The following SMYD3 variants were observed in gnomAD, a reference collection of about 807,000 sequenced individuals.
The protein encoded by SMYD3 is histone-lysine N-methyltransferase SMYD3.
In SMYD3, 36 loss-of-function variants were observed where a neutral mutation model predicts 57.7. The ratio of observed to expected loss-of-function variants is 0.62; its 90% CI spans 0.48 to 0.82. The LOEUF (loss-of-function observed/expected upper bound fraction) is 0.82. Ranked by LOEUF, SMYD3 falls within the 40% of genes least tolerant of loss-of-function variation. SMYD3 has a pLI of 0.00. For missense variants in SMYD3, 515 were observed against 538.8 expected (o/e 0.96, Z 0.44); for synonymous variants, 211 against 195.0 (o/e 1.08, Z -0.68).
chr1:246,481,629 T>TAC (rs1558484558), intron 1 of SMYD3, among the ~76,000 whole-genome samples: 4 of 104,414 alleles, frequency 3.8e-5, no homozygotes, highest in African/African-American at 1.7e-4. Flanking sequence ...TATACATACA[T>TAC]ACATACACAT....
At chr1:246,261,470 T>C (rs1003032473) in intron 5 of SMYD3, among the ~76,000 whole-genome samples, 3 of 152,036 alleles carry the variant, frequency 2.0e-5, no homozygotes, top group Admixed American at 1.3e-4. Context: ...AATCGTTTAT[T>C]ATATTTACAT....
intron 1 of SMYD3, among the ~76,000 whole-genome samples, chr1:246,358,702 C>A (rs1264818481): frequency 6.6e-6 from 1 of 152,164 alleles, no homozygotes; most frequent in Non-Finnish European, 1.5e-5. Flanking sequence ...AAATAACCTG[C>A]TCCTGGATGA....
rs545226923 is a variant in SMYD3 at position 246,361,782 on chromosome 1, C to T, written c.165-6688G>A. Among the ~76,000 whole-genome samples, 8 of 152,188 alleles carry T rather than the reference C, an allele frequency of 5.3e-5. No individual in the cohort carries two copies. The South Asian group carries it at 1.2e-3, about 24-fold the overall frequency. ...GGCATAGGAATGATACACTGGACATCGGGGACTCAGGAGAAACGTTGGGAA... is the reference window on the plus strand; with the variant it reads ...GGCATAGGAATGATACACTGGACATTGGGGACTCAGGAGAAACGTTGGGAA... On this transcript the variant is annotated intron_variant, in intron 1 of 11. Coordinates refer to ENST00000490107, the MANE Select transcript of SMYD3 (RefSeq NM_001167740.2).
intron 5 of SMYD3, among the ~76,000 whole-genome samples, chr1:246,081,333 C>T (rs1171648322): frequency 6.6e-6 from 1 of 152,214 alleles, no homozygotes; most frequent in Non-Finnish European, 1.5e-5. Flanking sequence ...TGTTTACAAA[C>T]TGTGAGACTG....
intron 10 of SMYD3, among the ~76,000 whole-genome samples, chr1:245,814,830 ACACGCACACACATGCACG>A (rs2048698703): frequency 6.6e-6 from 1 of 150,900 alleles, no homozygotes; most frequent in Non-Finnish European, 1.5e-5. Flanking sequence ...ACGCACGCAC[ACACGCACACACATGCACG>A]CACACACACG....
At chr1:245,782,756 A>C (rs998721290) in intron 10 of SMYD3, among the ~76,000 whole-genome samples, 7 of 152,270 alleles carry the variant, frequency 4.6e-5, no homozygotes, top group Admixed American at 4.6e-4. Flanking sequence ...AAATATAAAA[A>C]AATTAAATTC....
chr1:245,990,147 G>A (rs1411691305), intron 5 of SMYD3, among the ~76,000 whole-genome samples: 2 of 152,156 alleles, frequency 1.3e-5, no homozygotes, highest in East Asian at 3.9e-4. Flanking sequence ...ATGGCTCACT[G>A]CAACCTTGAC....
At chr1:245,832,495 TTTTGAGAGTTGA>T (rs2049895028) in intron 10 of SMYD3, among the ~76,000 whole-genome samples, 1 of 147,884 alleles carries the variant, frequency 6.8e-6, no homozygotes, top group Non-Finnish European at 1.5e-5. Flanking sequence ...GTTTTTTTTT[TTTTGAGAGTTGA>T]GGAGAAGACG....
intron 5 of SMYD3, among the ~76,000 whole-genome samples, chr1:246,154,102 A>T (rs1042313539): frequency 6.6e-6 from 1 of 152,198 alleles, no homozygotes; most frequent in Non-Finnish European, 1.5e-5. Context: ...GCAATCCATC[A>T]ATCAATCTGG....
intron 10 of SMYD3, among the ~76,000 whole-genome samples, chr1:245,773,163 A>G (rs2046409137): frequency 6.6e-6 from 1 of 152,238 alleles, no homozygotes; most frequent in Middle Eastern, 3.4e-3. Context: ...AACAAACAAA[A>G]AAACAGAAAA....
intron 5 of SMYD3, among the ~76,000 whole-genome samples, chr1:245,992,537 A>C (rs2058830466): frequency 6.6e-6 from 1 of 151,572 alleles, no homozygotes; most frequent in Admixed American, 6.6e-5. Context: ...CACTTCTAGA[A>C]TGGCGGTCAT....
intron 5 of SMYD3, among the ~76,000 whole-genome samples, chr1:245,987,072 G>A (rs113541674): frequency 5.6e-4 from 85 of 152,226 alleles, no homozygotes; most frequent in Non-Finnish European, 1.0e-3. Flanking sequence ...GAGATAAAAC[G>A]GATCACAGCA....
intron 5 of SMYD3, among the ~76,000 whole-genome samples, chr1:246,262,347 T>C (rs377299698): frequency 6.6e-6 from 1 of 152,224 alleles, no homozygotes; most frequent in African/African-American, 2.4e-5. Flanking sequence ...ATGGGAATAA[T>C]GTGTTACTTA....
chr1:246,213,223 G>A (rs1420059722), intron 5 of SMYD3, among the ~76,000 whole-genome samples: 1 of 152,094 alleles, frequency 6.6e-6, no homozygotes, highest in Non-Finnish European at 1.5e-5. Flanking sequence ...TGTGACTATG[G>A]ATGCTGACAA....
chr1:245,835,053 G>A (rs917121873), intron 10 of SMYD3, among the ~76,000 whole-genome samples: 7 of 151,616 alleles, frequency 4.6e-5, no homozygotes, highest in South Asian at 2.1e-4. Flanking sequence ...AGAGTGGCAC[G>A]GTAGAAAATG....
chr1:246,401,785 C>G (rs6664809), intron 1 of SMYD3, among the ~76,000 whole-genome samples: 2 of 151,016 alleles, frequency 1.3e-5, no homozygotes, highest in Non-Finnish European at 2.9e-5. Flanking sequence ...TGCAATGGCA[C>G]GATCTTGGCT....
chr1:246,441,121 A>T (rs981272318), intron 1 of SMYD3, among the ~76,000 whole-genome samples: 2 of 152,196 alleles, frequency 1.3e-5, no homozygotes, highest in Non-Finnish European at 2.9e-5. Context: ...CATTCCAGAC[A>T]CATGAAGAGG....
intron 5 of SMYD3, among the ~76,000 whole-genome samples, chr1:246,099,272 G>A (rs1480485057): frequency 6.6e-6 from 1 of 152,130 alleles, no homozygotes; most frequent in Non-Finnish European, 1.5e-5. Flanking sequence ...TTAGTGAAGG[G>A]ACAGCAAAAT....
chr1:245,816,879 T>A (rs964756686), intron 10 of SMYD3, among the ~76,000 whole-genome samples: 1 of 140,172 alleles, frequency 7.1e-6, no homozygotes, highest in Non-Finnish European at 1.7e-5. Context: ...ATATCCCGCA[T>A]CTGGCTCGGA....
Sources: allele counts gnomAD v4.1 joint callset (sites outside exome capture counted in the v4.1 genomes callset), GRCh38; gene constraint gnomAD v4.1.1; transcripts MANE v1.5; gene names NCBI Gene and HGNC (gene_info 2026-07-23, HGNC 2026-07-21).